Variants in KLHL8 observed in about 807,000 individuals in gnomAD.
KLHL8 encodes kelch-like protein 8.
KLHL8 carries 38 observed loss-of-function variants against 63.5 expected under a neutral mutation model. The observed-to-expected ratio is 0.60, with a 90% CI of 0.46 to 0.78. The LOEUF is 0.78. KLHL8 is among the 30% of genes least tolerant of loss of function. KLHL8 has a pLI of 0.00. For synonymous variants in KLHL8, 224 were observed against 254.3 expected (o/e 0.88, Z 1.13); for missense variants, 566 against 752.4 (o/e 0.75, Z 2.90).
At chr4:87,231,369 C>T (rs916773027) in intron 1 of KLHL8, among the ~76,000 whole-genome samples, 2 of 152,172 alleles carry the variant, frequency 1.3e-5, no homozygotes, top group South Asian at 2.1e-4. Context: ...TAAACCCTTA[C>T]GTCTGGGTTT....
chr4:87,175,674 T>C (rs539424135), intron 6 of KLHL8, among the ~76,000 whole-genome samples: 6 of 152,220 alleles, frequency 3.9e-5, no homozygotes, highest in African/African-American at 1.4e-4. Flanking sequence ...CAGGTTAGAG[T>C]ACTAAGTATG....
intron 1 of KLHL8, among the ~76,000 whole-genome samples, chr4:87,211,420 A>G (rs2110045502): frequency 6.6e-6 from 1 of 152,342 alleles, no homozygotes; most frequent in Middle Eastern, 3.4e-3. Flanking sequence ...GCTGGTTTGA[A>G]AAACTGTATA....
chr4:87,195,327 G>C lies in KLHL8; in HGVS notation c.213C>G (p.Leu71=), dbSNP rs149338950. 3.5e-5 allele frequency: 57 copies of C among 1,610,342 alleles called. No homozygotes were observed. In the African/African-American group the frequency reaches 6.4e-4, roughly 18 times the overall value. The stretch of plus-strand genomic sequence containing the variant: ...AGTACAAAAAAGGCAATCTCACCTT[G>C]AGTGTGACATCACAGAGTTCTCCAT... ...YENGELCDVT[L]KVGSKLISCH... Residue 71 remains leucine, a synonymous_variant, in exon 2 of 10, where the codon CTC becomes CTG. Coordinates refer to ENST00000273963, the MANE Select transcript of KLHL8 (RefSeq NM_020803.5).
chr4:87,233,658 A>T (rs1181601500), intron 1 of KLHL8, among the ~76,000 whole-genome samples: 1 of 152,216 alleles, frequency 6.6e-6, no homozygotes, highest in Non-Finnish European at 1.5e-5. Flanking sequence ...CTTCTTTGAG[A>T]AATATTTCCT....
intron 9 of KLHL8, 117 bp downstream of exon 9, chr4:87,163,761 G>T: frequency 6.6e-7 from 1 of 1,521,298 alleles, no homozygotes; most frequent in Non-Finnish European, 9.0e-7. Flanking sequence ...CTTCCAGTGG[G>T]AGATAAGATA....
intron 1 of KLHL8, among the ~76,000 whole-genome samples, chr4:87,235,136 T>G (rs1210561943): frequency 6.6e-6 from 1 of 152,212 alleles, no homozygotes; most frequent in Non-Finnish European, 1.5e-5. Flanking sequence ...CTGTACAGTG[T>G]TTGTAAAGTC....
At chr4:87,201,709 A>G (rs1262656283) in intron 1 of KLHL8, among the ~76,000 whole-genome samples, 1 of 152,204 alleles carries the variant, frequency 6.6e-6, no homozygotes, top group Non-Finnish European at 1.5e-5. Context: ...TAAACTAGAA[A>G]TAAGTAATAA....
In KLHL8 at chr4:87,236,133, T is replaced by G. The variant is rs190864811; in HGVS notation, n.57+4125A>C. ...TTTCTTCTAGAGTTTTATGTAAGAT[T>G]TGTCACTTTTCCTTCTACCTTAAAA... is the stretch of plus-strand genomic sequence containing the variant. On this transcript the variant is annotated intron_variant and non_coding_transcript_variant, in intron 1 of 1. Transcript: ENST00000506274. Among the ~76,000 whole-genome samples the G allele has an allele frequency of 5.7e-4, 87 of 152,306 alleles. 1 individual carries two copies. Among genetic ancestry groups the G allele is most frequent in the Middle Eastern group, 6.8e-3 (2 of 294 alleles).
At chr4:87,172,067 A>G (rs577420235) in intron 6 of KLHL8, among the ~76,000 whole-genome samples, 1 of 152,268 alleles carries the variant, frequency 6.6e-6, no homozygotes, top group African/African-American at 2.4e-5. Context: ...ACTATGCTAC[A>G]TTATATGGCA....
At chr4:87,185,039 T>C (rs935878867) in intron 3 of KLHL8, among the ~76,000 whole-genome samples, 8 of 152,204 alleles carry the variant, frequency 5.3e-5, no homozygotes, top group African/African-American at 1.7e-4. Flanking sequence ...GAGAATGATA[T>C]TGCTAATTCA....
intron 1 of KLHL8, among the ~76,000 whole-genome samples, chr4:87,214,666 G>C (rs1322874421): frequency 2.6e-5 from 4 of 151,708 alleles, no homozygotes; most frequent in Non-Finnish European, 5.9e-5. Flanking sequence ...CTTATCACTA[G>C]GCCAAAGACA....
intron 4 of KLHL8, 41 bp downstream of exon 4, chr4:87,183,162 C>A: frequency 2.7e-6 from 4 of 1,468,138 alleles, no homozygotes; most frequent in African/African-American, 1.4e-5. Flanking sequence ...TCAAATACAA[C>A]AAAGATCCTT....
intron 4 of KLHL8, among the ~76,000 whole-genome samples, chr4:87,179,564 C>CA (rs1730967018): frequency 6.6e-6 from 1 of 152,062 alleles, no homozygotes; most frequent in African/African-American, 2.4e-5. Flanking sequence ...CATTTGAGGC[C>CA]AGGAGGTGGA....
At position 87,188,959 on chromosome 4, in the gene KLHL8, A is replaced by G. The variant is rs564843872; in HGVS notation, c.217-3160T>C. On this transcript the variant is annotated intron_variant, in intron 2 of 9. Transcript: ENST00000273963. Reference sequence around the variant, plus strand: ...GTGACTAATTCAAGATAGTATTACGAAAGAAAAACCTTAGACAATTAAATT... The same window carrying G: ...GTGACTAATTCAAGATAGTATTACGGAAGAAAAACCTTAGACAATTAAATT... Among the ~76,000 whole-genome samples the G allele has an allele frequency of 6.6e-5, 10 of 152,374 alleles. No homozygotes were observed. In the South Asian group the frequency reaches 1.2e-3, roughly 19 times the overall value.
intron 6 of KLHL8, among the ~76,000 whole-genome samples, chr4:87,172,537 T>C (rs1027562588): frequency 1.3e-5 from 2 of 152,188 alleles, no homozygotes; most frequent in African/African-American, 4.8e-5. Flanking sequence ...AACAAAAATT[T>C]TATCCCATTC....
At chr4:87,224,984 C>T (rs1262872959), upstream of KLHL8, among the ~76,000 whole-genome samples, 1 of 152,076 alleles carries the variant, frequency 6.6e-6, no homozygotes, top group African/African-American at 2.4e-5. Flanking sequence ...TGCTATGTTG[C>T]CACGGCTGGT....
intron 1 of KLHL8, among the ~76,000 whole-genome samples, chr4:87,198,012 T>TAA (rs3036206): frequency 0.012 from 1,613 of 136,620 alleles, 32 homozygotes; most frequent in African/African-American, 0.041. Flanking sequence ...CTTTAATTAT[T>TAA]AAAAAAAAAA....
intron 1 of KLHL8, chr4:87,207,736 G>A: frequency 1.2e-6 from 1 of 864,192 alleles, no homozygotes; most frequent in East Asian, 2.4e-5. Flanking sequence ...CAAGGCTGTG[G>A]GAAAGGCCCT....
At chr4:87,180,110 TTCTC>T (rs1212055915) in intron 4 of KLHL8, among the ~76,000 whole-genome samples, 1 of 152,210 alleles carries the variant, frequency 6.6e-6, no homozygotes, top group African/African-American at 2.4e-5. Context: ...CCTCCCCTCT[TTCTC>T]TCTCTTAAAC....
Sources: gnomAD v4.1 joint callset for allele counts (sites outside exome capture counted in the v4.1 genomes callset) on GRCh38, gnomAD v4.1.1 for gene constraint, MANE v1.5 for transcripts, NCBI Gene and HGNC (gene_info 2026-07-23, HGNC 2026-07-21) for gene names.